DGKI: variants seen among roughly 807,000 people sequenced by gnomAD.
DGKI encodes diacylglycerol kinase iota.
A neutral mutation model predicts 147.5 loss-of-function variants in DGKI; 55 were observed. That is an observed-to-expected ratio of 0.37 (90% CI 0.30 to 0.47). DGKI has a LOEUF of 0.47. DGKI is among the 20% of genes least tolerant of loss of function. The pLI is 1.00. For synonymous variants in DGKI, 469 were observed against 477.1 expected, an observed-to-expected ratio of 0.98 and a Z score of 0.22; for missense variants, 1,007 against 1,323.8, an observed-to-expected ratio of 0.76 and a Z score of 3.71.
At chr7:137,670,294 T>A (rs981869407) in intron 3 of DGKI, among the ~76,000 whole-genome samples, 4 of 152,206 alleles carry the variant, frequency 2.6e-5, no homozygotes, top group Non-Finnish European at 4.4e-5. Context: ...ACATATACTA[T>A]CACTATCCCC....
intron 10 of DGKI, among the ~76,000 whole-genome samples, chr7:137,605,209 G>A (rs928328610): frequency 1.3e-5 from 2 of 151,976 alleles, no homozygotes; most frequent in Non-Finnish European, 2.9e-5. Context: ...TTGGGAGGCT[G>A]AGCCAAGAGA....
At chr7:137,755,721 A>C (rs1185233869) in intron 1 of DGKI, among the ~76,000 whole-genome samples, 1 of 152,240 alleles carries the variant, frequency 6.6e-6, no homozygotes, top group Non-Finnish European at 1.5e-5. Context: ...TGCCCACTTC[A>C]GATACAGCCT....
rs901328758 is a variant in DGKI, at chr7:137,389,601, A to G, written c.*1619T>C. 5 of 152,190 alleles carry G rather than the reference A, an allele frequency of 3.3e-5. No individual in the cohort carries two copies. Among genetic ancestry groups the G allele is most frequent in the Non-Finnish European group, 5.9e-5 (4 of 68,028 alleles). The allele number at this position is 152,190 out of a possible 1,614,324, so 9.4% of individuals were successfully genotyped here. A position where few individuals can be genotyped will look rare whatever the true frequency, so the allele number is the denominator to read the frequency against. On this transcript the variant is annotated 3_prime_UTR_variant, in exon 33 of 33. Coordinates refer to ENST00000614521, the MANE Select transcript of DGKI (RefSeq NM_001321708.2). ...GCTCAGGAGACGTCAGATTTCGCCAAAAGTAAAATCCTTGGACACCTACTT... is the reference window on the plus strand; with the variant it reads ...GCTCAGGAGACGTCAGATTTCGCCAGAAGTAAAATCCTTGGACACCTACTT...
chr7:137,569,980 G>C (rs545983323), intron 19 of DGKI, among the ~76,000 whole-genome samples: 20 of 152,004 alleles, frequency 1.3e-4, no homozygotes, highest in Admixed American at 1.0e-3. Flanking sequence ...CACAAAATCA[G>C]GTGATGAAGA....
intron 3 of DGKI, among the ~76,000 whole-genome samples, chr7:137,677,615 ATGGAAAC>A (rs1429218580): frequency 1.3e-5 from 2 of 152,348 alleles, no homozygotes; most frequent in African/African-American, 4.8e-5. Context: ...ATAAGCTTTG[ATGGAAAC>A]TCGATTTATT....
intron 20 of DGKI, among the ~76,000 whole-genome samples, chr7:137,540,689 AG>A (rs57593920): frequency 0.058 from 8,542 of 148,018 alleles, 752 homozygotes; most frequent in African/African-American, 0.17. Flanking sequence ...CTGTATCAAA[AG>A]GAAAAAAAAA....
intron 1 of DGKI, among the ~76,000 whole-genome samples, chr7:137,718,623 A>T (rs890462287): frequency 2.0e-5 from 3 of 152,216 alleles, no homozygotes; most frequent in Non-Finnish European, 4.4e-5. Context: ...ATTTGCTGGC[A>T]CATGTGAAAA....
intron 21 of DGKI, among the ~76,000 whole-genome samples, chr7:137,500,578 A>C (rs547978551): frequency 2.6e-5 from 4 of 152,320 alleles, no homozygotes; most frequent in African/African-American, 9.6e-5. Context: ...AACAAAATAT[A>C]ATTTATAAAA....
chr7:137,452,935 T>A (rs1261317042), intron 27 of DGKI: 11 of 152,234 alleles, frequency 7.2e-5, no homozygotes, highest in African/African-American at 2.7e-4. Context: ...ATTCCCCAGG[T>A]TCCACTTTCC....
chr7:137,508,852 G>T (rs1159181136), intron 21 of DGKI, among the ~76,000 whole-genome samples: 1 of 152,074 alleles, frequency 6.6e-6, no homozygotes. Flanking sequence ...AAAAGAAAAA[G>T]AAACTGTTCT....
intron 30 of DGKI, among the ~76,000 whole-genome samples, chr7:137,406,566 T>C (rs1003907567): frequency 2.6e-5 from 4 of 152,094 alleles, no homozygotes; most frequent in African/African-American, 9.7e-5. Context: ...AGTGAGAAGG[T>C]GTTGAAGACA....
At chr7:137,837,957 A>C (rs1377589541) in intron 1 of DGKI, among the ~76,000 whole-genome samples, 1 of 143,972 alleles carries the variant, frequency 6.9e-6, no homozygotes, top group Middle Eastern at 3.5e-3. Context: ...GCCACACCTT[A>C]GTCTTTGCAT....
intron 2 of DGKI, among the ~76,000 whole-genome samples, chr7:137,687,708 G>GT (rs1176150941): frequency 3.9e-5 from 6 of 152,158 alleles, no homozygotes; most frequent in African/African-American, 1.4e-4. Flanking sequence ...AAAGATGTTG[G>GT]TTTTTTTCCA....
intron 3 of DGKI, among the ~76,000 whole-genome samples, chr7:137,673,997 TGTCACCAAACGACA>T (rs1822942321): frequency 6.6e-6 from 1 of 152,190 alleles, no homozygotes; most frequent in African/African-American, 2.4e-5. Flanking sequence ...TAAAAATAAA[TGTCACCAAACGACA>T]GTGATTCTGG....
At chr7:137,746,164 G>T (rs1260326549) in intron 1 of DGKI, among the ~76,000 whole-genome samples, 1 of 152,096 alleles carries the variant, frequency 6.6e-6, no homozygotes, top group Non-Finnish European at 1.5e-5. Context: ...GTTTGGTTTG[G>T]TTCCCAAAGC....
chr7:137,602,438 G>T (rs1820026200), intron 10 of DGKI, among the ~76,000 whole-genome samples: 1 of 152,172 alleles, frequency 6.6e-6, no homozygotes, highest in Non-Finnish European at 1.5e-5. Flanking sequence ...AAGATAACTT[G>T]CATAGCCAGG....
At chr7:137,684,304 A>G (rs1371791952) in intron 2 of DGKI, among the ~76,000 whole-genome samples, 1 of 152,258 alleles carries the variant, frequency 6.6e-6, no homozygotes, top group Non-Finnish European at 1.5e-5. Context: ...GTGAGAAAAG[A>G]ATGTAAAACA....
At chr7:137,444,026 G>C in intron 28 of DGKI, 51 bp downstream of exon 28, 1 of 1,481,762 alleles carries the variant, frequency 6.7e-7, no homozygotes, top group Non-Finnish European at 9.2e-7. Context: ...GCAAAGACCA[G>C]GGGTCAAGTT....
intron 1 of DGKI, among the ~76,000 whole-genome samples, chr7:137,692,653 T>C (rs1242896168): frequency 6.6e-6 from 1 of 152,164 alleles, no homozygotes. Flanking sequence ...GATTCAAGGA[T>C]GCAAGCCACG....
Sources: gnomAD v4.1 joint callset for allele counts (sites outside exome capture counted in the v4.1 genomes callset) on GRCh38, gnomAD v4.1.1 for gene constraint, MANE v1.5 for transcripts, NCBI Gene and HGNC (gene_info 2026-07-23, HGNC 2026-07-21) for gene names.